BPIFC: variants seen among roughly 807,000 people sequenced by gnomAD.
BPIFC encodes the protein BPI fold-containing family C protein.
BPIFC carries 60 observed loss-of-function variants against 57.6 expected under a neutral mutation model. The observed-to-expected ratio is 1.04, with a 90% CI of 0.85 to 1.29. The LOEUF is 1.29. Ranked by LOEUF, BPIFC falls within the 50% of genes most tolerant of loss-of-function variation. BPIFC has a pLI of 0.00. For synonymous variants in BPIFC, 243 were observed against 224.5 expected, an observed-to-expected ratio of 1.08 and a Z score of -0.74; for missense variants, 581 against 600.5, an observed-to-expected ratio of 0.97 and a Z score of 0.34.
At chr22:32,417,819 G>A (rs1331338312) in intron 14 of BPIFC, among the ~76,000 whole-genome samples, 2 of 151,898 alleles carry the variant, frequency 1.3e-5, no homozygotes, top group South Asian at 2.1e-4. Flanking sequence ...GTTACATCAC[G>A]CTCCAAAGCT....
At chr22:32,452,880 T>A (rs1285976472) in intron 4 of BPIFC, among the ~76,000 whole-genome samples, 1 of 152,236 alleles carries the variant, frequency 6.6e-6, no homozygotes, top group African/African-American at 2.4e-5. Context: ...CTCCTTATAC[T>A]GCCTTTGGGG....
At chr22:32,424,173 C>T (rs989228029) in intron 13 of BPIFC, among the ~76,000 whole-genome samples, 5 of 152,044 alleles carry the variant, frequency 3.3e-5, no homozygotes, top group Non-Finnish European at 7.4e-5. Context: ...TTCTGTTTTG[C>T]TAATGAGGAA....
At chr22:32,438,081 T>C (rs1400940289) in intron 8 of BPIFC, among the ~76,000 whole-genome samples, 1 of 152,222 alleles carries the variant, frequency 6.6e-6, no homozygotes, top group Admixed American at 6.5e-5. Context: ...GAAGCATCAC[T>C]AAAATTTTGG....
At chr22:32,450,072 G>T (rs546706378) in intron 4 of BPIFC, among the ~76,000 whole-genome samples, 2 of 149,368 alleles carry the variant, frequency 1.3e-5, no homozygotes, top group African/African-American at 4.9e-5. Flanking sequence ...CTGAGCAGTG[G>T]AATTGTTGGG....
In BPIFC at chr22:32,437,806, A is replaced by C; in HGVS notation, c.701T>G (p.Ile234Ser). The change falls in exon 9 of 17, where the codon ATC becomes AGC. Residue 234 changes from isoleucine to serine, a missense_variant. By Grantham distance (142) the Ile-to-Ser change is moderately radical. Coordinates refer to ENST00000300399, the MANE Select transcript of BPIFC (RefSeq NM_174932.3). ...GTTCTCAGTAATTTCTGGAGAACTG[A>C]TTAGGGAGTAATCCAGCAGAGTGTA... is the stretch of plus-strand genomic sequence containing the variant. ...DNYTLLDYSL[I>S]SSPEITENYL... 6.2e-7 allele frequency: 1 copy of C among 1,612,692 alleles called. No homozygotes were observed. Among genetic ancestry groups the C allele is most frequent in the Non-Finnish European group, 8.5e-7 (1 of 1,178,728 alleles).
At chr22:32,437,319 A>G (rs980599324) in intron 9 of BPIFC, among the ~76,000 whole-genome samples, 2 of 152,186 alleles carry the variant, frequency 1.3e-5, no homozygotes, top group Admixed American at 1.3e-4. Flanking sequence ...AGAAAATTAA[A>G]TTATTCCAAG....
intron 7 of BPIFC, among the ~76,000 whole-genome samples, chr22:32,444,291 G>T (rs1053762287): frequency 2.0e-5 from 3 of 152,160 alleles, no homozygotes; most frequent in Non-Finnish European, 4.4e-5. Context: ...GTCAGGTAAG[G>T]ATGGAGAAGG....
At chr22:32,453,847 T>C (rs966816053) in intron 3 of BPIFC, among the ~76,000 whole-genome samples, 1 of 151,930 alleles carries the variant, frequency 6.6e-6, no homozygotes, top group Non-Finnish European at 1.5e-5. Context: ...CTTTGGGAGG[T>C]TGAGGCGGGA....
intron 13 of BPIFC, among the ~76,000 whole-genome samples, chr22:32,425,094 C>G (rs1006902046): frequency 1.3e-5 from 2 of 152,050 alleles, no homozygotes. Context: ...GCCTTATTTT[C>G]TAAGTCAAAG....
chr22:32,436,932 T>A (rs1934421591), intron 9 of BPIFC, among the ~76,000 whole-genome samples: 2 of 152,228 alleles, frequency 1.3e-5, no homozygotes, highest in South Asian at 4.1e-4. Flanking sequence ...TGAGCCAATA[T>A]GCATTTTAAA....
intron 3 of BPIFC, 102 bp downstream of exon 3, chr22:32,457,161 G>C (rs911271893): frequency 1.5e-6 from 2 of 1,366,614 alleles, no homozygotes; most frequent in Non-Finnish European, 2.0e-6. Flanking sequence ...ACAGTACGGC[G>C]TTTCTCAGTC....
At chr22:32,431,142 G>A (rs1012145555) in intron 13 of BPIFC, among the ~76,000 whole-genome samples, 130 of 146,226 alleles carry the variant, frequency 8.9e-4, no homozygotes, top group Non-Finnish European at 1.7e-3. Context: ...TTGAGACAGA[G>A]TCTCACTGTC....
At chr22:32,431,159 G>A (rs1272761200) in intron 13 of BPIFC, among the ~76,000 whole-genome samples, 188 bp downstream of exon 13, 2 of 150,956 alleles carry the variant, frequency 1.3e-5, no homozygotes, top group African/African-American at 4.9e-5. Context: ...TGTCACCCAG[G>A]CTGGAGTGCA....
At chr22:32,437,234 AATACAATC>A (rs1489425285) in intron 9 of BPIFC, among the ~76,000 whole-genome samples, 2 of 152,254 alleles carry the variant, frequency 1.3e-5, no homozygotes, top group Non-Finnish European at 2.9e-5. Flanking sequence ...TATGTTGTAC[AATACAATC>A]ATTTGCTTAT....
chr22:32,453,600 G>A (rs1934957118), intron 3 of BPIFC, 97 bp from the exon 4 acceptor site: 1 of 1,374,440 alleles, frequency 7.3e-7, no homozygotes, highest in Non-Finnish European at 9.5e-7. Context: ...AGTGAGACAT[G>A]CCCTTAGATA....
At chr22:32,464,334 C>T (rs1044601227) in intron 1 of BPIFC, 40 bp downstream of exon 1, 3 of 960,874 alleles carry the variant, frequency 3.1e-6, no homozygotes, top group Non-Finnish European at 3.7e-6. Context: ...GTTTGGAGAT[C>T]ATGGCTGGCA....
chr22:32,444,399 C>T (rs9621450), intron 7 of BPIFC, among the ~76,000 whole-genome samples: 1,724 of 152,248 alleles, frequency 0.011, 20 homozygotes, highest in Middle Eastern at 0.058. Flanking sequence ...TCATTAAGCA[C>T]CTATAATGTC....
chr22:32,446,899 G>T, intron 5 of BPIFC: 2 of 740,524 alleles, frequency 2.7e-6, no homozygotes, highest in Non-Finnish European at 3.3e-6. Context: ...TCAAGATCAT[G>T]CAGTGATTTG....
At chr22:32,419,849 A>G (rs1311177547) in intron 13 of BPIFC, among the ~76,000 whole-genome samples, 1 of 151,462 alleles carries the variant, frequency 6.6e-6, no homozygotes, top group Admixed American at 6.6e-5. Context: ...ACACACACAC[A>G]CAAATAAAAC....
Sources: allele counts gnomAD v4.1 joint callset (sites outside exome capture counted in the v4.1 genomes callset), GRCh38; gene constraint gnomAD v4.1.1; transcripts MANE v1.5; gene names NCBI Gene and HGNC (gene_info 2026-07-23, HGNC 2026-07-21).